TENM3: variants seen among roughly 807,000 people sequenced by gnomAD.
TENM3 encodes the protein teneurin-3.
Under a neutral mutation model 255.1 loss-of-function variants are expected in TENM3, and 63 were observed. The ratio of observed to expected loss-of-function variants is 0.25; its 90% CI spans 0.20 to 0.30. The LOEUF is 0.30. TENM3 is among the 10% of genes least tolerant of loss of function. The probability of loss-of-function intolerance (pLI) is 1.00; values close to 1 mark genes in which losing one functional copy is unlikely to be tolerated. For synonymous variants in TENM3, 1,306 were observed against 1,322.3 expected (o/e 0.99, Z 0.27); for missense variants, 2,929 against 3,461.1 (o/e 0.85, Z 3.86).
At chr4:182,169,408 A>G in intron 1 of TENM3, 1 of 432,656 alleles carries the variant, frequency 2.3e-6, no homozygotes, top group Non-Finnish European at 4.7e-6. Context: ...CTGCACGAGG[A>G]AAAGAAGTCT....
the TENM3 span, among the ~76,000 whole-genome samples, chr4:181,870,020 G>A: frequency 1.3e-5 from 2 of 152,102 alleles, no homozygotes; most frequent in African/African-American, 4.8e-5. Flanking sequence ...GCACCGTTCT[G>A]TCTACCATGA....
At chr4:182,648,473 G>T (rs139574388) in intron 5 of TENM3, among the ~76,000 whole-genome samples, 3 of 152,132 alleles carry the variant, frequency 2.0e-5, no homozygotes, top group African/African-American at 7.2e-5. Context: ...TAGAGACTGG[G>T]TTTTGCCATG....
the TENM3 span, among the ~76,000 whole-genome samples, chr4:181,687,539 T>G: frequency 6.6e-6 from 1 of 152,212 alleles, no homozygotes; most frequent in South Asian, 2.1e-4. Context: ...TTTGTTCATG[T>G]CTTTAAAAAG....
At chr4:182,647,099 C>T (rs1752820543) in intron 5 of TENM3, among the ~76,000 whole-genome samples, 1 of 152,170 alleles carries the variant, frequency 6.6e-6, no homozygotes. Context: ...CAGTCAGATA[C>T]AGTAAGATGC....
chr4:182,537,524 C>A (rs756307832), intron 3 of TENM3, among the ~76,000 whole-genome samples: 85 of 152,148 alleles, frequency 5.6e-4, no homozygotes, highest in Non-Finnish European at 3.7e-4. Flanking sequence ...TTTACCATTC[C>A]CGGAGCAGGC....
chr4:182,437,516 G>C (rs1441034424), intron 3 of TENM3, among the ~76,000 whole-genome samples: 1 of 151,992 alleles, frequency 6.6e-6, no homozygotes, highest in Non-Finnish European at 1.5e-5. Context: ...CTGATGGCTG[G>C]CTGGGTGCGG....
chr4:181,647,542 T>G, the TENM3 span, among the ~76,000 whole-genome samples: 1 of 152,338 alleles, frequency 6.6e-6, no homozygotes, highest in African/African-American at 2.4e-5. Flanking sequence ...ACTTTGATCC[T>G]ATGTTTGCTT....
At chr4:181,589,609 T>G in the TENM3 span, among the ~76,000 whole-genome samples, 2 of 152,170 alleles carry the variant, frequency 1.3e-5, no homozygotes, top group Admixed American at 6.5e-5. Flanking sequence ...ACCTGAGAAT[T>G]AAACTGACAC....
the TENM3 span, among the ~76,000 whole-genome samples, chr4:181,786,377 CA>C: frequency 6.6e-6 from 1 of 152,102 alleles, no homozygotes; most frequent in Non-Finnish European, 1.5e-5. Flanking sequence ...GGGAGTCATA[CA>C]AAATATGAGC....
intron 5 of TENM3, among the ~76,000 whole-genome samples, chr4:182,634,860 TTCTGGGTAGAAGATA>T (rs1217320403): frequency 6.6e-6 from 1 of 152,188 alleles, no homozygotes; most frequent in Non-Finnish European, 1.5e-5. Flanking sequence ...AAGCTCTTTT[TTCTGGGTAGAAGATA>T]ACCTGAAATG....
At chr4:182,250,911 G>A (rs551111988) in intron 1 of TENM3, among the ~76,000 whole-genome samples, 3 of 152,216 alleles carry the variant, frequency 2.0e-5, no homozygotes, top group Admixed American at 6.5e-5. Flanking sequence ...TTAATGGTGC[G>A]GCATTTCAGA....
rs956189058 is a variant in TENM3 at position 182,168,659 on chromosome 4, A to C, written c.-76+23905A>C. Among the ~76,000 whole-genome samples the C allele has an allele frequency of 1.3e-5, 2 of 152,164 alleles. 1 individual carries two copies. Among genetic ancestry groups the C allele is most frequent in the East Asian group, 3.9e-4 (2 of 5,192 alleles). ...TAATATAGTATTGAGACTTATCCCCACCATAGTCATTTGCATAAAATTATT... is the reference window on the plus strand; with the variant it reads ...TAATATAGTATTGAGACTTATCCCCCCCATAGTCATTTGCATAAAATTATT... On this transcript the variant is annotated intron_variant, in intron 1 of 2. Coordinates refer to the TENM3 transcript ENST00000512480.
Position 182,792,552 on chromosome 4 carries a change from A to G in TENM3, c.5880A>G (p.Leu1960=), listed in dbSNP as rs1451850036. ...YRRQTRLSEI[L]YDSTRVSFTY... The stretch of plus-strand genomic sequence containing the variant: ...GGCAGACTAGGCTCTCAGAAATTTT[A>G]TATGATAGCACAAGAGTCAGTTTTA... The change falls in exon 26 of 28, where the codon TTA becomes TTG. Residue 1960 remains leucine, a synonymous_variant. Transcript: ENST00000511685. This position sits in a 1 kb window ranked among gnomAD's most constrained non-coding sequence, Gnocchi z 6.3. The G allele has an allele frequency of 6.2e-7, 1 of 1,614,034 alleles. No individual in the cohort carries two copies. Among genetic ancestry groups the G allele is most frequent in the Non-Finnish European group, 8.5e-7 (1 of 1,179,902 alleles).
the TENM3 span, among the ~76,000 whole-genome samples, chr4:181,503,910 C>T: frequency 6.6e-6 from 1 of 152,196 alleles, no homozygotes; most frequent in Non-Finnish European, 1.5e-5. Context: ...CCACCCCTTC[C>T]ATGGCTGGAA....
the TENM3 span, among the ~76,000 whole-genome samples, chr4:181,956,515 C>A: frequency 6.6e-6 from 1 of 152,134 alleles, no homozygotes; most frequent in African/African-American, 2.4e-5. Context: ...GAAGAGTATG[C>A]AGCACATAGT....
At chr4:181,582,686 A>G in the TENM3 span, among the ~76,000 whole-genome samples, 1 of 137,460 alleles carries the variant, frequency 7.3e-6, no homozygotes, top group East Asian at 2.1e-4. Context: ...AAAAAAAAAA[A>G]GAAAGAAAGA....
the TENM3 span, among the ~76,000 whole-genome samples, chr4:182,004,224 A>C: frequency 2.6e-5 from 4 of 151,884 alleles, no homozygotes; most frequent in Admixed American, 2.6e-4. Context: ...CCTCACCCCC[A>C]ACCCCCCAAC....
chr4:182,498,672 G>T (rs1217518779), intron 3 of TENM3, among the ~76,000 whole-genome samples: 1 of 151,964 alleles, frequency 6.6e-6, no homozygotes, highest in Non-Finnish European at 1.5e-5. Flanking sequence ...TGGCAAACAT[G>T]GTGAAACCCC....
At chr4:182,061,820 G>A in the TENM3 span, among the ~76,000 whole-genome samples, 12,540 of 152,032 alleles carry the variant, frequency 0.082, 577 homozygotes, top group Middle Eastern at 0.13. Context: ...AAATTTGCCA[G>A]TGTTGGTGTC....
Sources: gnomAD v4.1 joint callset for allele counts (sites outside exome capture counted in the v4.1 genomes callset) on GRCh38, gnomAD v4.1.1 for gene constraint, Gnocchi (gnomAD v3.1) non-coding constraint, MANE v1.5 for transcripts, NCBI Gene and HGNC (gene_info 2026-07-23, HGNC 2026-07-21) for gene names.